AGAP6: variants seen among roughly 807,000 people sequenced by gnomAD.
AGAP6 encodes the protein arf-GAP with GTPase, ANK repeat and PH domain-containing protein 6.
A neutral mutation model predicts 63.9 loss-of-function variants in AGAP6; 29 were observed. The observed-to-expected ratio is 0.45, with a 90% CI of 0.34 to 0.62. AGAP6 has a LOEUF of 0.62. Among genes scored for constraint, AGAP6 ranks in the 20% least tolerant of loss-of-function variants. The pLI is 0.01. For synonymous variants in AGAP6, 199 were observed against 332.9 expected, an observed-to-expected ratio of 0.60 and a Z score of 4.38; for missense variants, 493 against 884.9, an observed-to-expected ratio of 0.56 and a Z score of 5.62.
intron 4 of AGAP6, among the ~76,000 whole-genome samples, chr10:49,994,756 A>G (rs1299362468): frequency 2.6e-5 from 4 of 152,128 alleles, no homozygotes; most frequent in Non-Finnish European, 4.4e-5. Flanking sequence ...TGAGGTCAGG[A>G]GTTTGAGACA....
At chr10:49,991,384 G>GT (rs781847792) in intron 2 of AGAP6, among the ~76,000 whole-genome samples, 42,259 of 113,976 alleles carry the variant, frequency 0.37, 8,499 homozygotes, top group East Asian at 0.59. Context: ...TACCTCTTCT[G>GT]TTTTTTTTTT....
rs782666721 is a variant in AGAP6 at position 50,008,977 on chromosome 10, T to G, written c.852T>G (p.Ile284Met). 1 of 1,613,932 alleles carries G rather than the reference T, an allele frequency of 6.2e-7. No homozygotes were observed. Among genetic ancestry groups the G allele is most frequent in the Non-Finnish European group, 8.5e-7 (1 of 1,179,900 alleles). The change falls in exon 8 of 8, where the codon ATT (isoleucine) becomes ATG (methionine). Residue 284 changes from isoleucine to methionine, a missense_variant. By Grantham distance (10) the Ile-to-Met change is conservative. Transcript: ENST00000412531. ...DTIGSGRAIP[I>M]KQGMLLKRSG... ...TCGGGAGCGGTAGAGCCATCCCCAT[T>G]AAACAGGGCATGCTCTTAAAGCGAA... is the stretch of plus-strand genomic sequence containing the variant.
At chr10:49,992,193 GCCT>G (rs1841309199) in intron 3 of AGAP6, among the ~76,000 whole-genome samples, 1 of 151,594 alleles carries the variant, frequency 6.6e-6, no homozygotes, top group Non-Finnish European at 1.5e-5. Context: ...TGTGATTTGG[GCCT>G]CCTCTTACAC....
chr10:49,991,383 TG>T (rs1370930310), intron 2 of AGAP6, among the ~76,000 whole-genome samples: 2 of 116,630 alleles, frequency 1.7e-5, no homozygotes, highest in African/African-American at 3.1e-5. Context: ...TTACCTCTTC[TG>T]TTTTTTTTTT....
chr10:49,994,000 T>C (rs1554861563), intron 3 of AGAP6, among the ~76,000 whole-genome samples: 1 of 152,180 alleles, frequency 6.6e-6, no homozygotes, highest in Non-Finnish European at 1.5e-5. Flanking sequence ...TTCTTAGAGC[T>C]GTTAGCTCTT....
chr10:49,993,325 A>G (rs1554861396), intron 3 of AGAP6, among the ~76,000 whole-genome samples: 1 of 152,110 alleles, frequency 6.6e-6, no homozygotes, highest in African/African-American at 2.4e-5. Flanking sequence ...AAGCTATTCC[A>G]TGTCCCTCAC....
At chr10:49,993,519 TTAAACATCAAAA>T (rs1841365019) in intron 3 of AGAP6, among the ~76,000 whole-genome samples, 2 of 152,186 alleles carry the variant, frequency 1.3e-5, no homozygotes, top group Non-Finnish European at 2.9e-5. Flanking sequence ...TATACTCATT[TTAAACATCAAAA>T]TTTAGGCCAG....
In AGAP6 at chr10:50,008,090, T is replaced by G; in HGVS notation, c.585+14T>G. 6.2e-7 allele frequency: 1 copy of G among 1,611,910 alleles called. No individual in the cohort carries two copies. Among genetic ancestry groups the G allele is most frequent in the Non-Finnish European group, 8.5e-7 (1 of 1,179,840 alleles). On this transcript the variant is annotated intron_variant, in intron 7 of 7. Coordinates refer to ENST00000412531, the MANE Select transcript of AGAP6 (RefSeq NM_001077665.3). ...CACTCATTTGCGGTAAGTGGCACTT[T>G]TATTGAGGTTGTATTTTCATCATAC...
intron 6 of AGAP6, among the ~76,000 whole-genome samples, chr10:50,007,588 T>C (rs2132162409): frequency 6.9e-6 from 1 of 145,086 alleles, no homozygotes; most frequent in East Asian, 2.0e-4. Flanking sequence ...AGTTTGTCAT[T>C]CAAACAACAG....
At chr10:49,999,226 C>T (rs1206778713) in intron 4 of AGAP6, among the ~76,000 whole-genome samples, 1 of 136,014 alleles carries the variant, frequency 7.4e-6, no homozygotes, top group East Asian at 2.4e-4. Context: ...GGCAACAGAG[C>T]GAGACTCCAT....
chr10:49,991,565 G>A, intron 2 of AGAP6, 111 bp from the exon 3 acceptor site: 1 of 1,404,440 alleles, frequency 7.1e-7, no homozygotes, highest in Admixed American at 2.1e-5. Flanking sequence ...CAATGGATAA[G>A]AATCAAAGTA....
chr10:50,005,483 C>T (rs1841882300), intron 6 of AGAP6, among the ~76,000 whole-genome samples: 1 of 151,880 alleles, frequency 6.6e-6, no homozygotes, highest in African/African-American at 2.4e-5. Flanking sequence ...TGGTGGCACG[C>T]ACCTGTAGTC....
At position 50,009,095 on chromosome 10, in the gene AGAP6, A is replaced by G. The variant is rs556692912; in HGVS notation, c.970A>G (p.Lys324Glu). ...TTATTCAAGCTTAGGTGATTATATG[A>G]AGAATATTCATAAAAAAGAGATTGA... Reference protein sequence around the residue: ...TYYSSLGDYMKNIHKKEIDLQ... With the variant: ...TYYSSLGDYMENIHKKEIDLQ... The change falls in exon 8 of 8, where the codon AAG (lysine) becomes GAG (glutamate). Residue 324 changes from lysine to glutamate, a missense_variant. Transcript: ENST00000412531. 11 of 1,613,692 alleles carry G rather than the reference A, an allele frequency of 6.8e-6. No individual in the cohort carries two copies. In the East Asian group the frequency reaches 2.5e-4, roughly 36 times the overall value.
In AGAP6 at chr10:50,006,352, G is replaced by A. The variant is rs1279098768; in HGVS notation, c.533+1632G>A. 7.2e-5 allele frequency among the ~76,000 whole-genome samples: 11 copies of A among 152,234 alleles called. No individual in the cohort carries two copies. In the East Asian group the frequency reaches 1.5e-3, roughly 21 times the overall value. ...AAATTTTATCATTGGGAACAAATAC[G>A]TATTTCCCTTGAAGTGACAACCTCT... On this transcript the variant is annotated intron_variant, in intron 6 of 7. Transcript: ENST00000412531.
chr10:50,007,864 AAGTC>A (rs1299373389), intron 6 of AGAP6, among the ~76,000 whole-genome samples, 157 bp from the exon 7 acceptor site: 2 of 152,200 alleles, frequency 1.3e-5, no homozygotes, highest in Non-Finnish European at 2.9e-5. Context: ...GAGAAAGAAG[AAGTC>A]AGGAAACCCT....
chr10:49,995,306 G>C (rs1202699572), intron 4 of AGAP6, among the ~76,000 whole-genome samples: 1 of 152,200 alleles, frequency 6.6e-6, no homozygotes, highest in South Asian at 2.1e-4. Context: ...AATTCTCCTG[G>C]ATCTTCTTTT....
chr10:50,006,975 T>C (rs1841933907), intron 6 of AGAP6, among the ~76,000 whole-genome samples: 2 of 151,960 alleles, frequency 1.3e-5, no homozygotes, highest in East Asian at 1.9e-4. Context: ...CCAGCCATTG[T>C]ACCCACTTTT....
chr10:49,991,320 A>C (rs1425335595), intron 2 of AGAP6, among the ~76,000 whole-genome samples: 12 of 151,734 alleles, frequency 7.9e-5, no homozygotes, highest in Admixed American at 2.6e-4. Context: ...AAACTTACTG[A>C]CATCTTGATT....
rs1351389069 is a variant in AGAP6, at chr10:49,991,541, C to G, written c.293-135C>G. ...CATCTTGCCTGGCTCTATCTTATGTCTATACATTCATTTCAATGGATAAGA... is the reference window on the plus strand; with the variant it reads ...CATCTTGCCTGGCTCTATCTTATGTGTATACATTCATTTCAATGGATAAGA... On this transcript the variant is annotated intron_variant, in intron 2 of 7. Coordinates refer to ENST00000412531, the MANE Select transcript of AGAP6 (RefSeq NM_001077665.3). The G allele has an allele frequency of 7.3e-6, 9 of 1,239,016 alleles. No homozygotes were observed. The East Asian group carries it at 1.2e-4, about 17-fold the overall frequency. 76.8% of individuals were successfully genotyped at this position (1,239,016 alleles called of 1,614,324 possible).
Sources: gnomAD v4.1 joint callset for allele counts (sites outside exome capture counted in the v4.1 genomes callset) on GRCh38, gnomAD v4.1.1 for gene constraint, MANE v1.5 for transcripts, NCBI Gene and HGNC (gene_info 2026-07-23, HGNC 2026-07-21) for gene names.